Variants in RARB observed in about 807,000 individuals in gnomAD.
The protein encoded by RARB is retinoic acid receptor beta.
A neutral mutation model predicts 51.9 loss-of-function variants in RARB; 17 were observed. The ratio of observed to expected loss-of-function variants is 0.33; its 90% confidence interval spans 0.22 to 0.49. The LOEUF (loss-of-function observed/expected upper bound fraction) is 0.49, where lower values mean the gene tolerates loss of function less well. Among genes scored for constraint, RARB ranks in the 20% least tolerant of loss-of-function variants. The pLI, the probability that RARB is intolerant of heterozygous loss-of-function variation, is 0.99. For missense variants in RARB, 369 were observed against 550.8 expected (o/e 0.67, Z 3.30); for synonymous variants, 215 against 195.4 (o/e 1.10, Z -0.84).
chr3:24,970,655 T>C (rs1696377602), intron 2 of RARB, among the ~76,000 whole-genome samples: 2 of 151,648 alleles, frequency 1.3e-5, no homozygotes, highest in South Asian at 4.2e-4. Context: ...CACTTCATTT[T>C]AGTACTTGGA....
intron 3 of RARB, among the ~76,000 whole-genome samples, chr3:25,079,574 G>T (rs1038031474): frequency 5.9e-5 from 9 of 152,106 alleles, no homozygotes; most frequent in African/African-American, 2.2e-4. Flanking sequence ...TTTCTAGTTT[G>T]CTGAGGGTTT....
chr3:25,105,289 C>G (rs1015579318), intron 3 of RARB, among the ~76,000 whole-genome samples: 4 of 152,152 alleles, frequency 2.6e-5, no homozygotes, highest in Admixed American at 1.3e-4. Flanking sequence ...ATTCAGGCTT[C>G]TCTGAGACCT....
intron 5 of RARB, among the ~76,000 whole-genome samples, chr3:25,203,855 G>A (rs907032879): frequency 1.3e-5 from 2 of 152,122 alleles, no homozygotes; most frequent in African/African-American, 2.4e-5. Context: ...CTCTCTGTCT[G>A]CCCTTAACAT....
At chr3:25,182,861 A>G (rs1019697682) in intron 5 of RARB, among the ~76,000 whole-genome samples, 1 of 152,178 alleles carries the variant, frequency 6.6e-6, no homozygotes, top group Non-Finnish European at 1.5e-5. Context: ...CAGTATGACT[A>G]TGTCCTTATA....
chr3:25,264,999 G>C (rs1279338035), intron 5 of RARB, among the ~76,000 whole-genome samples: 1 of 152,154 alleles, frequency 6.6e-6, no homozygotes, highest in Non-Finnish European at 1.5e-5. Context: ...CTCAGAAATA[G>C]TATTAGCACC....
chr3:25,548,101 CTTTTTTTTT>C (rs66817079), intron 3 of RARB, among the ~76,000 whole-genome samples: 9 of 126,300 alleles, frequency 7.1e-5, no homozygotes, highest in Non-Finnish European at 1.5e-4. Context: ...ATTCATTTGG[CTTTTTTTTT>C]TTTTTTTTTG....
intron 3 of RARB, among the ~76,000 whole-genome samples, chr3:25,076,178 G>A (rs745578700): frequency 6.7e-6 from 1 of 149,598 alleles, no homozygotes; most frequent in East Asian, 2.0e-4. Context: ...ATCTCTCTCT[G>A]TCGCCCAGGC....
rs560645463 is a variant in RARB, at chr3:25,237,853, T to C, written c.178+63278T>C. Among the ~76,000 whole-genome samples, 5 of 152,310 alleles carry C rather than the reference T, an allele frequency of 3.3e-5. No individual in the cohort carries two copies. In the East Asian group the frequency reaches 9.6e-4, roughly 29 times the overall value. The stretch of plus-strand genomic sequence containing the variant: ...TGGATACCTCATATATATGAAATCA[T>C]ACAATATATGGTCTGTTGTGACTGG... On this transcript the variant is annotated intron_variant, in intron 5 of 11. Transcript: ENST00000383772.
intron 5 of RARB, among the ~76,000 whole-genome samples, chr3:25,334,867 T>C (rs926396838): frequency 3.3e-5 from 5 of 152,230 alleles, no homozygotes; most frequent in African/African-American, 1.2e-4. Flanking sequence ...AAAAGAAATA[T>C]TCATCATGGC....
At chr3:25,480,998 C>T (rs1176785235) in intron 2 of RARB, among the ~76,000 whole-genome samples, 2 of 152,076 alleles carry the variant, frequency 1.3e-5, no homozygotes, top group African/African-American at 4.8e-5. Flanking sequence ...TGAGTGCTAG[C>T]CCAGGAACCA....
In RARB at chr3:25,197,347, G is replaced by A. The variant is rs576649928; in HGVS notation, c.178+22772G>A. Among the ~76,000 whole-genome samples, 123 of 152,110 alleles carry A rather than the reference G, an allele frequency of 8.1e-4. 1 individual carries two copies. In the South Asian group the frequency reaches 0.025, roughly 31 times the overall value. Reference sequence around the variant, plus strand: ...AATCCTTTCCCCATTTCTTGTTTTTGTCAGGTTTGTCAAAGATCAGATGGT... The same window carrying A: ...AATCCTTTCCCCATTTCTTGTTTTTATCAGGTTTGTCAAAGATCAGATGGT... On this transcript the variant is annotated intron_variant, in intron 5 of 11. Coordinates refer to the RARB transcript ENST00000383772.
chr3:25,268,144 TC>T (rs1703168381), intron 5 of RARB, among the ~76,000 whole-genome samples: 1 of 152,330 alleles, frequency 6.6e-6, no homozygotes, highest in Non-Finnish European at 1.5e-5. Flanking sequence ...TCAACCTTCC[TC>T]TTTTAATCTT....
At chr3:25,103,757 G>A (rs1054031498) in intron 3 of RARB, among the ~76,000 whole-genome samples, 1 of 152,204 alleles carries the variant, frequency 6.6e-6, no homozygotes, top group Non-Finnish European at 1.5e-5. Flanking sequence ...ACTTTAAACA[G>A]TATTATGAAT....
At chr3:25,034,974 C>T (rs1016191049) in intron 2 of RARB, among the ~76,000 whole-genome samples, 11 of 152,108 alleles carry the variant, frequency 7.2e-5, no homozygotes, top group African/African-American at 2.2e-4. Flanking sequence ...TCCATTGACA[C>T]GAAGGCTGCA....
intron 2 of RARB, among the ~76,000 whole-genome samples, chr3:24,880,340 A>T (rs546299199): frequency 6.6e-6 from 1 of 152,140 alleles, no homozygotes; most frequent in Non-Finnish European, 1.5e-5. Flanking sequence ...GTGAAGGAGC[A>T]GAGGAAAACT....
chr3:24,888,290 A>G (rs1703301865), intron 2 of RARB, among the ~76,000 whole-genome samples: 2 of 152,188 alleles, frequency 1.3e-5, no homozygotes, highest in South Asian at 2.1e-4. Flanking sequence ...CAAATGTTTT[A>G]TATATATTGA....
intron 2 of RARB, among the ~76,000 whole-genome samples, chr3:24,899,479 T>C (rs529550600): frequency 6.6e-5 from 10 of 152,182 alleles, no homozygotes; most frequent in Non-Finnish European, 1.5e-4. Flanking sequence ...GAATATTATA[T>C]GGTTTTCTTT....
At chr3:24,899,195 A>G (rs951353482) in intron 2 of RARB, among the ~76,000 whole-genome samples, 1 of 152,214 alleles carries the variant, frequency 6.6e-6, no homozygotes, top group African/African-American at 2.4e-5. Flanking sequence ...AGATGACAGC[A>G]GAGCATTAAA....
chr3:25,107,063 G>T (rs1699520724), intron 3 of RARB, among the ~76,000 whole-genome samples: 2 of 152,192 alleles, frequency 1.3e-5, no homozygotes, highest in South Asian at 4.2e-4. Flanking sequence ...ACTATACCCA[G>T]CTAATTTTTG....
Sources: allele counts gnomAD v4.1 joint callset (sites outside exome capture counted in the v4.1 genomes callset), GRCh38; gene constraint gnomAD v4.1.1; transcripts MANE v1.5; gene names NCBI Gene and HGNC (gene_info 2026-07-23, HGNC 2026-07-21).